The following LHFPL3 variants were observed in gnomAD, a reference collection of about 807,000 sequenced individuals.
The protein encoded by LHFPL3 is LHFPL tetraspan subfamily member 3.
A neutral mutation model predicts 19.3 loss-of-function variants in LHFPL3; 5 were observed. The ratio of observed to expected loss-of-function variants is 0.26; its 90% CI spans 0.14 to 0.54. LHFPL3 has a LOEUF of 0.54. LHFPL3 is among the 20% of genes least tolerant of loss of function. The pLI is 0.94. For synonymous variants in LHFPL3, 133 were observed against 126.2 expected (o/e 1.05, Z -0.36); for missense variants, 249 against 307.4 (o/e 0.81, Z 1.42).
chr7:104,811,221 G>A (rs1790464691), intron 2 of LHFPL3, among the ~76,000 whole-genome samples: 1 of 145,170 alleles, frequency 6.9e-6, no homozygotes, highest in African/African-American at 2.6e-5. Context: ...TTGACACAGG[G>A]TCTCCCTCTG....
chr7:104,451,070 C>G (rs1304490040), intron 1 of LHFPL3, among the ~76,000 whole-genome samples: 1 of 152,166 alleles, frequency 6.6e-6, no homozygotes, highest in Non-Finnish European at 1.5e-5. Context: ...GAGCAAGGAA[C>G]CCATGACCTC....
At chr7:104,563,521 A>G (rs1790059043) in intron 1 of LHFPL3, among the ~76,000 whole-genome samples, 2 of 152,262 alleles carry the variant, frequency 1.3e-5, no homozygotes, top group African/African-American at 4.8e-5. Flanking sequence ...AAGGGAGGCA[A>G]TGCCTCGCCC....
chr7:104,339,260 A>G (rs1360110302), intron 1 of LHFPL3, among the ~76,000 whole-genome samples: 1 of 151,456 alleles, frequency 6.6e-6, no homozygotes, highest in Admixed American at 6.6e-5. Context: ...AAAAAAAAAG[A>G]AAAGAAATAA....
intron 1 of LHFPL3, among the ~76,000 whole-genome samples, chr7:104,534,020 C>A (rs1794351180): frequency 6.6e-6 from 1 of 152,176 alleles, no homozygotes; most frequent in Admixed American, 6.5e-5. Flanking sequence ...ACTAAGCCAT[C>A]AATGAACATG....
At chr7:104,495,106 T>A (rs138528953) in intron 1 of LHFPL3, among the ~76,000 whole-genome samples, 45 of 152,350 alleles carry the variant, frequency 3.0e-4, no homozygotes, top group African/African-American at 1.1e-3. Context: ...TCTCTCCTAA[T>A]GGGTTTCCAT....
rs1200279801 is a variant in LHFPL3, at chr7:104,669,440, A to T, written c.446-67235A>T. The T allele has an allele frequency of 2.5e-6, 4 of 1,613,180 alleles. No individual in the cohort carries two copies. In the East Asian group the frequency reaches 6.7e-5, roughly 27 times the overall value. The stretch of plus-strand genomic sequence containing the variant: ...TCAGATAGGAAAGATGGCAAAAAGG[A>T]TCAAGACTCCAGATCTGCACCTGAG... On this transcript the variant is annotated intron_variant, in intron 1 of 2. Transcript: ENST00000424859.
chr7:104,906,333 G>A lies in LHFPL3; in HGVS notation c.*118G>A, dbSNP rs764353262. ...CGCCTGAGAGAGATCAGAGTATATA[G>A]ATGAATATGAACAAGAATGGAACAT... On this transcript the variant is annotated 3_prime_UTR_variant, in exon 3 of 3. Coordinates refer to ENST00000424859, the MANE Select transcript of LHFPL3 (RefSeq NM_199000.3). 1 of 1,171,256 alleles carries A rather than the reference G, an allele frequency of 8.5e-7. No individual in the cohort carries two copies. Among genetic ancestry groups the A allele is most frequent in the Non-Finnish European group, 1.2e-6 (1 of 815,536 alleles). The allele number at this position is 1,171,256 out of a possible 1,614,324, so 72.6% of individuals were successfully genotyped here.
At chr7:104,684,616 G>A (rs1191791470) in intron 1 of LHFPL3, among the ~76,000 whole-genome samples, 3 of 152,198 alleles carry the variant, frequency 2.0e-5, no homozygotes, top group African/African-American at 7.2e-5. Context: ...TGGGCCATAG[G>A]GTTGGCTGAC....
chr7:104,336,503 TA>T (rs34831677), intron 1 of LHFPL3, among the ~76,000 whole-genome samples: 79,820 of 146,624 alleles, frequency 0.54, 21,643 homozygotes, highest in East Asian at 0.85. Flanking sequence ...CTTTTTTGCT[TA>T]AAAAAAAAAA....
At chr7:104,828,153 C>T (rs1790862593) in intron 2 of LHFPL3, among the ~76,000 whole-genome samples, 1 of 151,956 alleles carries the variant, frequency 6.6e-6, no homozygotes, top group South Asian at 2.1e-4. Flanking sequence ...TCCCGCCATG[C>T]CTGACTCATA....
chr7:104,879,793 C>T (rs755114989), intron 2 of LHFPL3, among the ~76,000 whole-genome samples: 11 of 152,234 alleles, frequency 7.2e-5, no homozygotes, highest in Admixed American at 3.3e-4. Flanking sequence ...TACTGATGAA[C>T]GTGGCTACAC....
intron 1 of LHFPL3, among the ~76,000 whole-genome samples, chr7:104,593,656 A>T (rs1790776884): frequency 2.0e-5 from 3 of 152,078 alleles, no homozygotes; most frequent in Admixed American, 2.0e-4. Context: ...GTCTCCCATT[A>T]TTATTGTTTG....
chr7:104,470,511 A>G (rs111594035), intron 1 of LHFPL3, among the ~76,000 whole-genome samples: 1,595 of 152,334 alleles, frequency 0.01, 28 homozygotes, highest in African/African-American at 0.036. Context: ...TTTGTCCACG[A>G]ACAGTACCAG....
intron 2 of LHFPL3, among the ~76,000 whole-genome samples, chr7:104,818,965 A>G (rs1790623296): frequency 6.6e-6 from 1 of 152,172 alleles, no homozygotes; most frequent in African/African-American, 2.4e-5. Context: ...TCTGTTACAC[A>G]GAAGAAACTG....
chr7:104,408,936 C>T (rs1791478516), intron 1 of LHFPL3, among the ~76,000 whole-genome samples: 1 of 143,980 alleles, frequency 6.9e-6, no homozygotes, highest in East Asian at 2.1e-4. Context: ...GCGATCTCGT[C>T]TCACTGCAAG....
chr7:104,433,382 C>A (rs573526241), intron 1 of LHFPL3, among the ~76,000 whole-genome samples: 1 of 152,328 alleles, frequency 6.6e-6, no homozygotes, highest in Non-Finnish European at 1.5e-5. Context: ...CCCCCCAGGG[C>A]TCTCTGGAGT....
intron 1 of LHFPL3, among the ~76,000 whole-genome samples, chr7:104,643,470 G>A (rs1791873024): frequency 2.0e-5 from 3 of 152,144 alleles, no homozygotes; most frequent in African/African-American, 7.2e-5. Flanking sequence ...TTACACATTA[G>A]ATACCTACAC....
At chr7:104,889,136 ACT>A (rs1014146408) in intron 2 of LHFPL3, among the ~76,000 whole-genome samples, 5 of 152,226 alleles carry the variant, frequency 3.3e-5, no homozygotes, top group Non-Finnish European at 7.3e-5. Flanking sequence ...TCTAGAGAAG[ACT>A]CAACATATAG....
chr7:104,610,357 C>T (rs1346244780), intron 1 of LHFPL3, among the ~76,000 whole-genome samples: 3 of 151,694 alleles, frequency 2.0e-5, no homozygotes, highest in Non-Finnish European at 2.9e-5. Flanking sequence ...CAACTCACTC[C>T]TATGAGGTTT....
Sources: allele counts gnomAD v4.1 joint callset (sites outside exome capture counted in the v4.1 genomes callset), GRCh38; gene constraint gnomAD v4.1.1; transcripts MANE v1.5; gene names NCBI Gene and HGNC (gene_info 2026-07-23, HGNC 2026-07-21).